Variants in L3MBTL4 observed in about 807,000 individuals in gnomAD.
L3MBTL4 encodes L3MBTL histone methyl-lysine binding protein 4, also known as lethal(3)malignant brain tumor-like protein 4.
In L3MBTL4, 70 loss-of-function variants were observed where a neutral mutation model predicts 84.5. The observed-to-expected ratio is 0.83, with a 90% CI of 0.68 to 1.01. The LOEUF is 1.01. L3MBTL4 is among the 50% of genes least tolerant of loss of function. The probability of loss-of-function intolerance (pLI) is 0.00; values close to 1 mark genes in which losing one functional copy is unlikely to be tolerated. For missense variants in L3MBTL4, 715 were observed against 754.8 expected (o/e 0.95, Z 0.62); for synonymous variants, 274 against 259.8 (o/e 1.05, Z -0.52).
At chr18:5,965,635 C>T (rs1437769116) in intron 17 of L3MBTL4, among the ~76,000 whole-genome samples, 2 of 152,172 alleles carry the variant, frequency 1.3e-5, no homozygotes, top group Admixed American at 6.5e-5. Flanking sequence ...TCACTGGGGT[C>T]CCCTAAGTAG....
chr18:6,251,886 G>A (rs942347091), intron 5 of L3MBTL4, among the ~76,000 whole-genome samples: 2 of 152,072 alleles, frequency 1.3e-5, no homozygotes, highest in African/African-American at 4.8e-5. Context: ...CAAAGAAGAT[G>A]GCATCAGAAC....
intron 13 of L3MBTL4, among the ~76,000 whole-genome samples, chr18:6,170,744 G>T (rs891816890): frequency 1.3e-5 from 2 of 152,046 alleles, no homozygotes; most frequent in African/African-American, 4.8e-5. Flanking sequence ...GTATTGGGGG[G>T]GGTTCACATA....
chr18:6,301,313 T>C, intron 4 of L3MBTL4, among the ~76,000 whole-genome samples: 1 of 152,196 alleles, frequency 6.6e-6, no homozygotes, highest in East Asian at 1.9e-4. Flanking sequence ...ATAGAAAATT[T>C]AGTAACAGCT....
chr18:6,045,304 G>A (rs1228230977), intron 16 of L3MBTL4, among the ~76,000 whole-genome samples: 2 of 152,182 alleles, frequency 1.3e-5, no homozygotes, highest in Non-Finnish European at 2.9e-5. Flanking sequence ...AGGCAAAGAA[G>A]AAATAAAATC....
intron 1 of L3MBTL4, among the ~76,000 whole-genome samples, chr18:6,338,294 C>A (rs963978347): frequency 3.3e-5 from 5 of 151,586 alleles, no homozygotes; most frequent in Admixed American, 6.6e-5. Flanking sequence ...AAAATGATCC[C>A]CAACAGAACA....
intron 13 of L3MBTL4, among the ~76,000 whole-genome samples, chr18:6,160,162 C>T (rs1246893545): frequency 1.3e-5 from 2 of 152,152 alleles, no homozygotes; most frequent in East Asian, 3.9e-4. Flanking sequence ...GCAAGAGCTA[C>T]AGAGGTTCCA....
At chr18:6,209,304 T>C (rs1393322205) in intron 12 of L3MBTL4, among the ~76,000 whole-genome samples, 4 of 152,178 alleles carry the variant, frequency 2.6e-5, no homozygotes, top group South Asian at 4.1e-4. Context: ...CATCCACTAC[T>C]GTTACTACTT....
At chr18:6,255,871 T>C (rs1233594827) in intron 5 of L3MBTL4, among the ~76,000 whole-genome samples, 1 of 151,852 alleles carries the variant, frequency 6.6e-6, no homozygotes, top group Non-Finnish European at 1.5e-5. Flanking sequence ...GTTCCAAGCA[T>C]ATCAGAATGC....
intron 14 of L3MBTL4, among the ~76,000 whole-genome samples, chr18:6,111,638 G>C (rs1273899149): frequency 1.3e-5 from 2 of 152,170 alleles, no homozygotes; most frequent in South Asian, 2.1e-4. Flanking sequence ...AGTCTCTCCA[G>C]CGTGTGAACG....
chr18:6,264,739 G>T (rs546519390), intron 4 of L3MBTL4, among the ~76,000 whole-genome samples: 2 of 152,110 alleles, frequency 1.3e-5, no homozygotes, highest in Non-Finnish European at 2.9e-5. Context: ...AGCCGAGATC[G>T]CACTACTGCA....
At chr18:6,302,957 C>T (rs979282826) in intron 3 of L3MBTL4, among the ~76,000 whole-genome samples, 9 of 151,904 alleles carry the variant, frequency 5.9e-5, no homozygotes, top group African/African-American at 2.2e-4. Flanking sequence ...TGCCTCTGCA[C>T]TCCTGGCTGG....
At chr18:6,122,533 T>A (rs1340773530) in intron 14 of L3MBTL4, among the ~76,000 whole-genome samples, 1 of 152,228 alleles carries the variant, frequency 6.6e-6, no homozygotes, top group African/African-American at 2.4e-5. Flanking sequence ...TCTTTTTGCC[T>A]GCCACCATCC....
intron 10 of L3MBTL4, among the ~76,000 whole-genome samples, chr18:6,223,590 T>C (rs374552284): frequency 1.3e-5 from 2 of 152,288 alleles, no homozygotes; most frequent in East Asian, 3.9e-4. Context: ...GGATATGCAA[T>C]CATGAGAATC....
At chr18:6,069,589 G>A (rs1045512612) in intron 16 of L3MBTL4, among the ~76,000 whole-genome samples, 10 of 152,114 alleles carry the variant, frequency 6.6e-5, no homozygotes, top group Admixed American at 4.6e-4. Context: ...GGCTAGCTGC[G>A]GCCACTGTGA....
intron 14 of L3MBTL4, among the ~76,000 whole-genome samples, chr18:6,131,014 C>A (rs1224585696): frequency 6.6e-6 from 1 of 152,122 alleles, no homozygotes; most frequent in African/African-American, 2.4e-5. Context: ...AAAGGACACC[C>A]AGGGTCCACC....
chr18:6,256,574 G>A (rs1359965232), intron 5 of L3MBTL4, among the ~76,000 whole-genome samples: 2 of 151,532 alleles, frequency 1.3e-5, no homozygotes, highest in Non-Finnish European at 2.9e-5. Context: ...TATGAAGAGG[G>A]GAAGGAGGTA....
At chr18:6,091,814 T>G (rs940697125) in intron 15 of L3MBTL4, among the ~76,000 whole-genome samples, 2 of 152,208 alleles carry the variant, frequency 1.3e-5, no homozygotes, top group African/African-American at 4.8e-5. Flanking sequence ...TGAAACTGAC[T>G]AGGTTTTTAT....
chr18:6,109,303 T>G (rs1217415870), intron 14 of L3MBTL4, among the ~76,000 whole-genome samples: 2 of 152,198 alleles, frequency 1.3e-5, no homozygotes, highest in African/African-American at 4.8e-5. Context: ...CTTCTGATTT[T>G]ATTTTTTTAT....
At chr18:6,110,584 G>A (rs867918569) in intron 14 of L3MBTL4, among the ~76,000 whole-genome samples, 5 of 138,514 alleles carry the variant, frequency 3.6e-5, no homozygotes, top group Admixed American at 2.9e-4. Context: ...ACATGTGTAC[G>A]TGGGGGGTTG....
Sources: allele counts gnomAD v4.1 joint callset (sites outside exome capture counted in the v4.1 genomes callset), GRCh38; gene constraint gnomAD v4.1.1; transcripts MANE v1.5; gene names NCBI Gene and HGNC (gene_info 2026-07-23, HGNC 2026-07-21).